The following HIVEP3 variants were observed in gnomAD, a reference collection of about 807,000 sequenced individuals.
HIVEP3 encodes the protein HIVEP zinc finger 3.
Under a neutral mutation model 152.8 loss-of-function variants are expected in HIVEP3, and 49 were observed. The ratio of observed to expected loss-of-function variants is 0.32; its 90% CI spans 0.26 to 0.41. The LOEUF (loss-of-function observed/expected upper bound fraction) is 0.41, where lower values mean the gene tolerates loss of function less well. Among genes scored for constraint, HIVEP3 ranks in the 10% least tolerant of loss-of-function variants. The pLI is 1.00. For missense variants in HIVEP3, 2,790 were observed against 3,103.3 expected (o/e 0.90, Z 2.40); for synonymous variants, 1,269 against 1,289.0 (o/e 0.98, Z 0.33).
chr1:41,930,643 C>T (rs964882265), intron 1 of HIVEP3, among the ~76,000 whole-genome samples: 5 of 152,030 alleles, frequency 3.3e-5, no homozygotes, highest in African/African-American at 7.2e-5. Flanking sequence ...AGTGGGATTG[C>T]CGGGTCATAT....
At chr1:41,615,784 C>CGAT (rs1367649546) in intron 3 of HIVEP3, among the ~76,000 whole-genome samples, 1 of 126,094 alleles carries the variant, frequency 7.9e-6, no homozygotes, top group African/African-American at 3.1e-5. Flanking sequence ...ATTGTGGAAG[C>CGAT]GATGCAGGGC....
chr1:41,575,695 C>A lies in HIVEP3; in HGVS notation c.5062-6G>T, dbSNP rs746842769. ...ACCAGTGAAGGGAGGTGAACCTGGC[C>A]CACCGCAGGAATGACAAAATCATTG... On this transcript the variant is annotated splice_region_variant and splice_polypyrimidine_tract_variant and intron_variant, in intron 4 of 8. Coordinates refer to ENST00000372583, the MANE Select transcript of HIVEP3 (RefSeq NM_024503.5). 1.2e-6 allele frequency: 2 copies of A among 1,613,518 alleles called. No homozygotes were observed. Among genetic ancestry groups the A allele is most frequent in the Admixed American group, 1.7e-5 (1 of 59,884 alleles).
intron 1 of HIVEP3, among the ~76,000 whole-genome samples, chr1:41,775,485 G>T (rs1238843602): frequency 2.0e-5 from 3 of 151,918 alleles, no homozygotes; most frequent in Admixed American, 1.3e-4. Context: ...TTGTTTGTTT[G>T]TGTTTTTGTT....
At chr1:41,596,370 A>T (rs1252793209) in intron 3 of HIVEP3, among the ~76,000 whole-genome samples, 1 of 152,144 alleles carries the variant, frequency 6.6e-6, no homozygotes, top group Non-Finnish European at 1.5e-5. Flanking sequence ...AACAGGCACA[A>T]CCTAGAGTCC....
chr1:41,936,761 A>G (rs1449697729), intron 1 of HIVEP3, among the ~76,000 whole-genome samples: 1 of 152,202 alleles, frequency 6.6e-6, no homozygotes, highest in East Asian at 1.9e-4. Flanking sequence ...TGAATTAACC[A>G]TATCAGTACC....
chr1:41,677,293 A>C (rs1645971882), intron 2 of HIVEP3, among the ~76,000 whole-genome samples: 1 of 152,250 alleles, frequency 6.6e-6, no homozygotes, highest in Admixed American at 6.5e-5. Context: ...TCACACGTAT[A>C]ATCCGGTCTA....
intron 1 of HIVEP3, among the ~76,000 whole-genome samples, chr1:41,841,591 G>A (rs1041840877): frequency 1.3e-5 from 2 of 152,148 alleles, no homozygotes; most frequent in Non-Finnish European, 2.9e-5. Context: ...CCTGTGTGCT[G>A]TTCTTCCAGA....
Position 41,664,047 on chromosome 1 carries a change from AG to A in HIVEP3, c.-720-35101del, listed in dbSNP as rs986672465. 1.3e-5 allele frequency among the ~76,000 whole-genome samples: 2 copies of A among 152,166 alleles called. No individual in the cohort carries two copies. The highest frequency in any genetic ancestry group is 2.9e-5 in the Non-Finnish European group (2 of 68,018). ...CCCCCAACACGCACCACTTTGCACC[AG>A]TTTCCACTTCTTGAGGTCTTCATAC... is the stretch of plus-strand genomic sequence containing the variant. On this transcript the variant is annotated intron_variant, in intron 2 of 8. Coordinates refer to ENST00000372583, the MANE Select transcript of HIVEP3 (RefSeq NM_024503.5). The surrounding 1 kb of genome is among the most constrained non-coding windows in gnomAD (Gnocchi z 4.4).
intron 7 of HIVEP3, among the ~76,000 whole-genome samples, chr1:41,516,260 G>A (rs566707973): frequency 6.7e-6 from 1 of 149,288 alleles, no homozygotes; most frequent in Admixed American, 6.7e-5. Context: ...GCCGCTGGGA[G>A]AGGCCACACG....
intron 1 of HIVEP3, among the ~76,000 whole-genome samples, chr1:41,875,156 A>G (rs1262729206): frequency 6.6e-6 from 1 of 152,240 alleles, no homozygotes; most frequent in Non-Finnish European, 1.5e-5. Context: ...CCTGCAATGC[A>G]GCGCCTTCCT....
At position 41,582,536 on chromosome 1, in the gene HIVEP3, G is replaced by C. The variant is rs1238358875; in HGVS notation, c.2262C>G (p.Thr754=). The part of the protein sequence containing the change: ...DAARNLPLES[T]KSPAEPSKSV... ...ATTTACTTGGTTCTGCTGGTGACTT[G>C]GTGGACTCCAGGGGAAGGTTCCGAG... Residue 754 remains threonine (T), a synonymous_variant, in exon 4 of 9, where the codon ACC becomes ACG. Transcript: ENST00000372583. This position sits in a 1 kb window ranked among gnomAD's most constrained non-coding sequence, Gnocchi z 4.7. 3 of 1,611,240 alleles carry C rather than the reference G, an allele frequency of 1.9e-6. No individual in the cohort carries two copies. In the African/African-American group the frequency reaches 4.0e-5, roughly 22 times the overall value.
chr1:41,673,713 T>C (rs1297102952), intron 2 of HIVEP3, among the ~76,000 whole-genome samples: 1 of 152,200 alleles, frequency 6.6e-6, no homozygotes, highest in Non-Finnish European at 1.5e-5. Flanking sequence ...TCCCTAAGTA[T>C]GAATAAATCA....
intron 1 of HIVEP3, among the ~76,000 whole-genome samples, chr1:41,745,079 G>C (rs1401592655): frequency 1.3e-5 from 2 of 152,232 alleles, no homozygotes; most frequent in African/African-American, 4.8e-5. Flanking sequence ...TCAAGGGAGA[G>C]AGATGGTTCC....
At chr1:41,861,153 C>T (rs1001154941) in intron 1 of HIVEP3, among the ~76,000 whole-genome samples, 3 of 152,164 alleles carry the variant, frequency 2.0e-5, no homozygotes, top group African/African-American at 7.2e-5. Flanking sequence ...GCTAATGACT[C>T]CAAATAAAAC....
intron 5 of HIVEP3, chr1:41,543,626 C>G (rs1371766980): frequency 6.6e-6 from 1 of 152,178 alleles, no homozygotes; most frequent in Non-Finnish European, 1.5e-5. Context: ...CCCTCAACAC[C>G]TGGGGGCTCC....
intron 1 of HIVEP3, among the ~76,000 whole-genome samples, chr1:41,798,855 T>C (rs1177562998): frequency 6.6e-6 from 1 of 152,210 alleles, no homozygotes; most frequent in Non-Finnish European, 1.5e-5. Flanking sequence ...CTGCTTCTGA[T>C]GGGGCTCCTT....
rs921849867 is a variant in HIVEP3, at chr1:41,533,810, G to A, written c.5208-8900C>T. Reference sequence around the variant, plus strand: ...TGGCCCCCAGCCACTTCTCTCTCGAGTTCCGATGCCTTTGCTATACATCTA... The same window carrying A: ...TGGCCCCCAGCCACTTCTCTCTCGAATTCCGATGCCTTTGCTATACATCTA... On this transcript the variant is annotated intron_variant, in intron 5 of 8. Coordinates refer to ENST00000372583, the MANE Select transcript of HIVEP3 (RefSeq NM_024503.5). This position sits in a 1 kb window ranked among gnomAD's most constrained non-coding sequence, Gnocchi z 4.3. 6.6e-6 allele frequency among the ~76,000 whole-genome samples: 1 copy of A among 151,948 alleles called. No homozygotes were observed. Among genetic ancestry groups the A allele is most frequent in the African/African-American group, 2.4e-5 (1 of 41,346 alleles).
At chr1:41,925,471 G>A (rs555016175) in intron 1 of HIVEP3, among the ~76,000 whole-genome samples, 9 of 152,302 alleles carry the variant, frequency 5.9e-5, no homozygotes, top group South Asian at 2.1e-4. Flanking sequence ...AAGTGGAAGT[G>A]AATCATCATA....
intron 1 of HIVEP3, among the ~76,000 whole-genome samples, chr1:41,975,791 C>G (rs994948627): frequency 2.0e-5 from 3 of 152,168 alleles, no homozygotes; most frequent in African/African-American, 7.2e-5. Context: ...AATCCTGGTG[C>G]TACTTACCTT....
Sources: allele counts gnomAD v4.1 joint callset (sites outside exome capture counted in the v4.1 genomes callset), GRCh38; gene constraint gnomAD v4.1.1; non-coding constraint Gnocchi (gnomAD v3.1); transcripts MANE v1.5; gene names NCBI Gene and HGNC (gene_info 2026-07-23, HGNC 2026-07-21).